The following KIF26B variants were observed in gnomAD, a reference collection of about 807,000 sequenced individuals.
The protein encoded by KIF26B is kinesin family member 26B.
Under a neutral mutation model 151.2 loss-of-function variants are expected in KIF26B, and 63 were observed. The ratio of observed to expected loss-of-function variants is 0.42; its 90% CI spans 0.34 to 0.51. The LOEUF is 0.51. Among genes scored for constraint, KIF26B ranks in the 20% least tolerant of loss-of-function variants. The pLI is 0.07. For synonymous variants in KIF26B, 1,357 were observed against 1,262.1 expected (o/e 1.08, Z -1.59); for missense variants, 2,813 against 2,913.6 (o/e 0.97, Z 0.79).
chr1:245,268,089 G>C (rs549500428), intron 2 of KIF26B, among the ~76,000 whole-genome samples: 6 of 152,160 alleles, frequency 3.9e-5, no homozygotes, highest in African/African-American at 1.4e-4. Flanking sequence ...GAAGGATCAC[G>C]TGAACCCAGG....
At chr1:245,208,981 G>C (rs1339430485) in intron 2 of KIF26B, among the ~76,000 whole-genome samples, 1 of 152,186 alleles carries the variant, frequency 6.6e-6, no homozygotes, top group Admixed American at 6.5e-5. Context: ...GCTCATCCTT[G>C]GGTATTTATT....
At chr1:245,333,764 G>A (rs182844604) in intron 2 of KIF26B, among the ~76,000 whole-genome samples, 368 of 152,314 alleles carry the variant, frequency 2.4e-3, no homozygotes, top group Admixed American at 4.2e-3. Flanking sequence ...TCGGGAGGCC[G>A]ATGCCAGCGG....
chr1:245,259,132 T>C (rs1017425929), intron 2 of KIF26B, among the ~76,000 whole-genome samples: 13 of 152,204 alleles, frequency 8.5e-5, no homozygotes, highest in Non-Finnish European at 1.5e-4. Flanking sequence ...ATTCTGCTTA[T>C]CACTGAAAGA....
chr1:245,366,804 C>G, intron 2 of KIF26B, 30 bp from the exon 3 acceptor site: 1 of 1,604,052 alleles, frequency 6.2e-7, no homozygotes, highest in Non-Finnish European at 8.5e-7. Context: ...GTTATAGAAT[C>G]TCCTCTCCCT....
chr1:245,415,712 G>A (rs1674399483), intron 3 of KIF26B, among the ~76,000 whole-genome samples: 1 of 151,818 alleles, frequency 6.6e-6, no homozygotes, highest in South Asian at 2.1e-4. Flanking sequence ...GCACTATCTT[G>A]CAGACTGTCT....
chr1:245,198,714 G>A (rs1388250556), intron 2 of KIF26B, among the ~76,000 whole-genome samples: 1 of 147,952 alleles, frequency 6.8e-6, no homozygotes, highest in Non-Finnish European at 1.5e-5. Flanking sequence ...GCAATAGAGA[G>A]AGACTCCGTC....
intron 2 of KIF26B, among the ~76,000 whole-genome samples, chr1:245,284,374 T>A (rs1041889575): frequency 4.1e-5 from 4 of 98,248 alleles, no homozygotes; most frequent in African/African-American, 1.8e-4. Context: ...TTTCTCCAGA[T>A]ACCTGGAGTA....
intron 2 of KIF26B, among the ~76,000 whole-genome samples, chr1:245,363,878 T>C (rs2103007792): frequency 6.6e-6 from 1 of 152,314 alleles, no homozygotes; most frequent in Admixed American, 6.5e-5. Flanking sequence ...CTGTTGGTGC[T>C]CGCTGGGCTT....
chr1:245,579,262 C>T (rs1484473983), intron 5 of KIF26B, among the ~76,000 whole-genome samples: 3 of 152,070 alleles, frequency 2.0e-5, no homozygotes, highest in Non-Finnish European at 4.4e-5. Context: ...ATTCTGGAAA[C>T]TTTGCACAAA....
chr1:245,581,926 G>GAGGAAAGAAGGA (rs59481342), intron 5 of KIF26B, among the ~76,000 whole-genome samples: 1 of 142,274 alleles, frequency 7.0e-6, no homozygotes, highest in Admixed American at 7.0e-5. Flanking sequence ...AAGAGAGAAA[G>GAGGAAAGAAGGA]AGGAAGGAAG....
chr1:245,699,985 A>G (rs1202999847), intron 14 of KIF26B, among the ~76,000 whole-genome samples: 1 of 152,262 alleles, frequency 6.6e-6, no homozygotes, highest in African/African-American at 2.4e-5. Context: ...TCAGCCTCCC[A>G]GCTGTGCCTT....
In KIF26B at chr1:245,241,100, A is replaced by G. The variant is rs1445056785; in HGVS notation, c.465+84417A>G. On this transcript the variant is annotated intron_variant, in intron 2 of 14. Transcript: ENST00000407071. This position sits in a 1 kb window ranked among gnomAD's most constrained non-coding sequence, Gnocchi z 5.0. The stretch of plus-strand genomic sequence containing the variant: ...GCAGCTGTTTATTGGGTCAGAATAC[A>G]CCTGTCAGGAAAATCATCGGTAGTG... Among the ~76,000 whole-genome samples the G allele has an allele frequency of 1.3e-5, 2 of 152,146 alleles. No individual in the cohort carries two copies. Among genetic ancestry groups the G allele is most frequent in the African/African-American group, 4.8e-5 (2 of 41,418 alleles).
intron 2 of KIF26B, among the ~76,000 whole-genome samples, chr1:245,201,066 C>T (rs539809914): frequency 2.9e-4 from 44 of 152,314 alleles, no homozygotes; most frequent in Non-Finnish European, 5.1e-4. Context: ...CCCAAGACAG[C>T]TGAAGACGAC....
intron 2 of KIF26B, among the ~76,000 whole-genome samples, chr1:245,261,758 AT>A (rs1244459323): frequency 6.6e-6 from 1 of 150,622 alleles, no homozygotes; most frequent in Non-Finnish European, 1.5e-5. Flanking sequence ...TAGTTTTTGT[AT>A]TTTTTGTAGC....
rs564994276 is a variant in KIF26B at position 245,307,646 on chromosome 1, A to G, written c.466-59188A>G. 3.9e-4 allele frequency among the ~76,000 whole-genome samples: 59 copies of G among 152,212 alleles called. No homozygotes were observed. The East Asian group carries it at 0.01, about 27-fold the overall frequency. On this transcript the variant is annotated intron_variant, in intron 2 of 14. Transcript: ENST00000407071. ...TTTTTTTAGTTGAAAAACATTTCGA[A>G]GATAGTTGAATCATTCCTTTCCTTC...
At chr1:245,261,556 C>T (rs1036451377) in intron 2 of KIF26B, among the ~76,000 whole-genome samples, 2 of 134,926 alleles carry the variant, frequency 1.5e-5, no homozygotes, top group Admixed American at 7.8e-5. Flanking sequence ...TCCCTCCCTC[C>T]GTCTGTCCCT....
At chr1:245,690,747 G>GA (rs1321728227) in intron 12 of KIF26B, among the ~76,000 whole-genome samples, 1 of 151,724 alleles carries the variant, frequency 6.6e-6, no homozygotes, top group African/African-American at 2.4e-5. Context: ...GCCTGGGGGG[G>GA]GGGTATGCTT....
chr1:245,186,638 G>A (rs1368294268), intron 2 of KIF26B, among the ~76,000 whole-genome samples: 1 of 152,140 alleles, frequency 6.6e-6, no homozygotes, highest in African/African-American at 2.4e-5. Context: ...ACTTAGCCAG[G>A]CAGTAAGTTA....
intron 2 of KIF26B, among the ~76,000 whole-genome samples, chr1:245,165,446 C>T (rs1169152387): frequency 6.6e-6 from 1 of 152,146 alleles, no homozygotes; most frequent in African/African-American, 2.4e-5. Context: ...ATTGGGGTCT[C>T]TAGAGCTTGA....
Sources: gnomAD v4.1 joint callset for allele counts (sites outside exome capture counted in the v4.1 genomes callset) on GRCh38, gnomAD v4.1.1 for gene constraint, Gnocchi (gnomAD v3.1) non-coding constraint, MANE v1.5 for transcripts, NCBI Gene and HGNC (gene_info 2026-07-23, HGNC 2026-07-21) for gene names.